Variants in SLC2A3 observed in about 807,000 individuals in gnomAD.
The protein encoded by SLC2A3 is solute carrier family 2, facilitated glucose transporter member 3.
Under a neutral mutation model 46.4 loss-of-function variants are expected in SLC2A3, and 21 were observed. That is an observed-to-expected ratio of 0.45 (90% CI 0.32 to 0.65). The LOEUF (loss-of-function observed/expected upper bound fraction) is 0.65, where lower values mean the gene tolerates loss of function less well. SLC2A3 is among the 30% of genes least tolerant of loss of function. The probability of loss-of-function intolerance (pLI) is 0.04; values close to 1 mark genes in which losing one functional copy is unlikely to be tolerated. For synonymous variants in SLC2A3, 213 were observed against 239.4 expected, an observed-to-expected ratio of 0.89 and a Z score of 1.02; for missense variants, 499 against 623.3, an observed-to-expected ratio of 0.80 and a Z score of 2.12.
At chr12:7,923,623 A>ATT (rs397955646) in intron 8 of SLC2A3, among the ~76,000 whole-genome samples, 1 of 151,336 alleles carries the variant, frequency 6.6e-6, no homozygotes, top group Non-Finnish European at 1.5e-5. Flanking sequence ...CAAAAAAAAA[A>ATT]TTTTTTTTTG....
At chr12:7,933,248 T>TA in intron 2 of SLC2A3, 101 bp from the exon 3 acceptor site, 1 of 1,289,406 alleles carries the variant, frequency 7.8e-7, no homozygotes, top group Non-Finnish European at 1.1e-6. Context: ...ATCAAGGGAA[T>TA]AAATAGACAG....
In SLC2A3 at chr12:7,936,097, A is replaced by C; in HGVS notation, c.-63T>G. ...GGGTGATTCCAGAAACAGCTTTTTC[A>C]GCCAACAAAACCTTCAAAATGTCCT... On this transcript the variant is annotated 5_prime_UTR_variant, in exon 1 of 10. Transcript: ENST00000075120. The C allele has an allele frequency of 1.4e-6, 2 of 1,430,894 alleles. No individual in the cohort carries two copies. The highest frequency in any genetic ancestry group is 2.3e-5 in the South Asian group (2 of 87,378). The allele number at this position is 1,430,894 out of a possible 1,614,324, so 88.6% of individuals were successfully genotyped here.
intron 2 of SLC2A3, 58 bp from the exon 3 acceptor site, chr12:7,933,205 G>A (rs747355807): frequency 6.4e-7 from 1 of 1,568,266 alleles, no homozygotes. Flanking sequence ...GAGAACAAAA[G>A]ACAAACATTA....
intron 9 of SLC2A3, among the ~76,000 whole-genome samples, chr12:7,922,173 C>T (rs763881893): frequency 2.6e-5 from 4 of 152,126 alleles, no homozygotes; most frequent in African/African-American, 4.8e-5. Context: ...TGTGTGCTAC[C>T]GCAATGGTGT....
At chr12:7,931,880 ATTT>A (rs58764879) in intron 3 of SLC2A3, among the ~76,000 whole-genome samples, 45 of 108,050 alleles carry the variant, frequency 4.2e-4, no homozygotes, top group Admixed American at 5.7e-4. Flanking sequence ...TCTAATTGGC[ATTT>A]TTTTTTTTTT....
At chr12:7,926,020 C>A in intron 6 of SLC2A3, 72 bp from the exon 7 acceptor site, 4 of 1,308,930 alleles carry the variant, frequency 3.1e-6, no homozygotes. Flanking sequence ...CAAAAATAAA[C>A]TTAAAAGTCC....
Position 7,920,303 on chromosome 12 carries a change from A to C in SLC2A3, c.*1110T>G, listed in dbSNP as rs1432005256. 6.6e-6 allele frequency: 1 copy of C among 152,052 alleles called. No homozygotes were observed. Among genetic ancestry groups the C allele is most frequent in the Non-Finnish European group, 1.5e-5 (1 of 68,024 alleles). The allele number at this position is 152,052 out of a possible 1,614,324, so 9.4% of individuals were successfully genotyped here. On this transcript the variant is annotated 3_prime_UTR_variant, in exon 10 of 10. Coordinates refer to ENST00000075120, the MANE Select transcript of SLC2A3 (RefSeq NM_006931.3). ...AAGAACCAATTATTTTAGGTTTCTT[A>C]TTTGGATGGCTCTCCCACGAGATAG...
Position 7,933,160 on chromosome 12 carries a change from AGGGTT to A in SLC2A3, c.109-18_109-14del, listed in dbSNP as rs763181675. 11 of 1,613,472 alleles carry A rather than the reference AGGGTT, an allele frequency of 6.8e-6. No individual in the cohort carries two copies. The highest frequency in any genetic ancestry group is 3.3e-4 in the Middle Eastern group (2 of 6,060). On this transcript the variant is annotated splice_polypyrimidine_tract_variant and intron_variant, in intron 2 of 9. Coordinates refer to ENST00000075120, the MANE Select transcript of SLC2A3 (RefSeq NM_006931.3). ...ATTCCTTTATGATCTGCAAAATAAA[AGGGTT>A]GGTGGAAGAACAGACTGTTACAGTT...
At chr12:7,930,159 A>C (rs1011477123) in intron 5 of SLC2A3, 1 of 573,290 alleles carries the variant, frequency 1.7e-6, no homozygotes, top group Non-Finnish European at 2.8e-6. Flanking sequence ...CTAATTTTGT[A>C]TTTTTAGTAG....
intron 9 of SLC2A3, 127 bp from the exon 10 acceptor site, chr12:7,921,758 T>C: frequency 9.6e-7 from 1 of 1,045,412 alleles, no homozygotes; most frequent in Non-Finnish European, 1.4e-6. Context: ...TGAAAACAGG[T>C]TTCTTCAGAT....
rs1426195379 is a variant in SLC2A3, at chr12:7,919,507, T to A, written c.*1906A>T. On this transcript the variant is annotated 3_prime_UTR_variant, in exon 10 of 10. Coordinates refer to ENST00000075120, the MANE Select transcript of SLC2A3 (RefSeq NM_006931.3). ...TGCGATCTCCGCTCACTGCAACCCC[T>A]GCGTCCCGGGTTCACATGATTCTCC... is the stretch of plus-strand genomic sequence containing the variant. 6.6e-6 allele frequency: 1 copy of A among 151,948 alleles called. No individual in the cohort carries two copies. The highest frequency in any genetic ancestry group is 3.2e-3 in the Middle Eastern group (1 of 316). The allele number at this position is 151,948 out of a possible 1,614,324, so 9.4% of individuals were successfully genotyped here.
intron 1 of SLC2A3, 93 bp downstream of exon 1, chr12:7,935,927 G>A: frequency 9.2e-7 from 1 of 1,084,642 alleles, no homozygotes. Context: ...TGGTGACTTA[G>A]GAGAAAATAG....
At chr12:7,923,134 A>G (rs1033930113) in intron 8 of SLC2A3, 110 bp from the exon 9 acceptor site, 4 of 1,030,764 alleles carry the variant, frequency 3.9e-6, no homozygotes, top group Non-Finnish European at 5.6e-6. Flanking sequence ...CGTACAATAC[A>G]AAGAGTGGCT....
chr12:7,930,573 G>A lies in SLC2A3; in HGVS notation c.580C>T (p.Pro194Ser), dbSNP rs1057117096. ...AGGGCTGCACTTTGTAGGATAGCAGGAAGGATGGTAAAACCCAGTAGCAGC... is the reference window on the plus strand; with the variant it reads ...AGGGCTGCACTTTGTAGGATAGCAGAAAGGATGGTAAAACCCAGTAGCAGC... ...WPLLLGFTILPAILQSAALPF... is the reference protein window; with the variant it reads ...WPLLLGFTILSAILQSAALPF... The change falls in exon 5 of 10, where the codon CCT becomes TCT. Residue 194 changes from proline to serine, a missense_variant. Physicochemically the swap from Pro to Ser is moderately conservative, Grantham distance 74. Transcript: ENST00000075120. 2 of 1,613,826 alleles carry A rather than the reference G, an allele frequency of 1.2e-6. No individual in the cohort carries two copies. The highest frequency in any genetic ancestry group is 2.7e-5 in the African/African-American group (2 of 74,866).
rs906522967 is a variant in SLC2A3 at position 7,923,346 on chromosome 12, ATTT to A, written c.1069-325_1069-323del. ...ACCACACCTGCCTAATTAAAAAAAAATTTTTTTTTTGGCCAGGAGCTGTGGCTC... is the reference window on the plus strand; with the variant it reads ...ACCACACCTGCCTAATTAAAAAAAAATTTTTTTGGCCAGGAGCTGTGGCTC... On this transcript the variant is annotated intron_variant, in intron 8 of 9. Coordinates refer to ENST00000075120, the MANE Select transcript of SLC2A3 (RefSeq NM_006931.3). The A allele has an allele frequency of 2.8e-5, 6 of 212,128 alleles. No individual in the cohort carries two copies. In the South Asian group the frequency reaches 2.9e-4, roughly 10 times the overall value. The allele number at this position is 212,128 out of a possible 1,614,324, so 13.1% of individuals were successfully genotyped here. A position where few individuals can be genotyped will look rare whatever the true frequency, so the allele number is the denominator to read the frequency against.
chr12:7,935,600 A>G (rs185006447), intron 1 of SLC2A3, among the ~76,000 whole-genome samples: 155 of 152,288 alleles, frequency 1.0e-3, no homozygotes, highest in African/African-American at 3.7e-3. Context: ...ATGTTATAGG[A>G]CAAACAGATG....
At chr12:7,927,435 A>C (rs1946107084) in intron 6 of SLC2A3, among the ~76,000 whole-genome samples, 1 of 152,148 alleles carries the variant, frequency 6.6e-6, no homozygotes, top group Non-Finnish European at 1.5e-5. Context: ...TAGTAAAATG[A>C]CTTTGCTATC....
intron 9 of SLC2A3, among the ~76,000 whole-genome samples, chr12:7,921,872 T>G (rs2121178062): frequency 6.6e-6 from 1 of 152,262 alleles, no homozygotes; most frequent in African/African-American, 2.4e-5. Context: ...CTGAGTATTT[T>G]TGGACTTTTG....
At chr12:7,933,486 C>G in intron 2 of SLC2A3, 1 of 466,350 alleles carries the variant, frequency 2.1e-6, no homozygotes. Flanking sequence ...GCCCAGCGTT[C>G]CGGGAGTAAG....
Sources: gnomAD v4.1 joint callset for allele counts (sites outside exome capture counted in the v4.1 genomes callset) on GRCh38, gnomAD v4.1.1 for gene constraint, MANE v1.5 for transcripts, NCBI Gene and HGNC (gene_info 2026-07-23, HGNC 2026-07-21) for gene names.